MALRD1: variants seen among roughly 807,000 people sequenced by gnomAD.
MALRD1 encodes MAM and LDL receptor class A domain containing 1.
MALRD1 carries 247 observed loss-of-function variants against 242.1 expected under a neutral mutation model. That is an observed-to-expected ratio of 1.02 (90% confidence interval 0.92 to 1.13). The LOEUF (loss-of-function observed/expected upper bound fraction) is 1.13. MALRD1 is among the 50% of genes most tolerant of loss of function. The pLI is 0.00. For synonymous variants in MALRD1, 995 were observed against 866.6 expected, an observed-to-expected ratio of 1.15 and a Z score of -2.60; for missense variants, 2,989 against 2,533.1, an observed-to-expected ratio of 1.18 and a Z score of -3.86.
intron 5 of MALRD1, among the ~76,000 whole-genome samples, chr10:19,119,148 A>G (rs1443211694): frequency 6.6e-6 from 1 of 152,088 alleles, no homozygotes; most frequent in African/African-American, 2.4e-5. Context: ...AGAGAGAGAG[A>G]AAGAGATGAG....
rs535325492 is a variant in MALRD1 at position 19,064,928 on chromosome 10, C to G, written c.200-1791C>G. Among the ~76,000 whole-genome samples, 215 of 151,844 alleles carry G rather than the reference C, an allele frequency of 1.4e-3. 1 individual carries two copies. The highest frequency in any genetic ancestry group is 4.9e-3 in the African/African-American group (204 of 41,378). ...GGGGTGTTGGCAACTGCAGTTATAC[C>G]CATTGTTATTTACGTGCAAATTAAG... is the stretch of plus-strand genomic sequence containing the variant. On this transcript the variant is annotated intron_variant, in intron 1 of 39. Transcript: ENST00000454679.
At chr10:19,573,555 A>C (rs11818535) in intron 33 of MALRD1, among the ~76,000 whole-genome samples, 4,956 of 152,124 alleles carry the variant, frequency 0.033, 252 homozygotes, top group African/African-American at 0.11. Context: ...AACAATCATT[A>C]AACTTTTCCC....
chr10:19,666,032 C>A (rs1277688092), intron 36 of MALRD1, among the ~76,000 whole-genome samples: 1 of 152,024 alleles, frequency 6.6e-6, no homozygotes, highest in Non-Finnish European at 1.5e-5. Flanking sequence ...GATAGGTGTC[C>A]TCTTCATCCC....
chr10:19,306,232 CTATA>C (rs1842188050), intron 21 of MALRD1, among the ~76,000 whole-genome samples: 1 of 101,198 alleles, frequency 9.9e-6, no homozygotes, highest in Non-Finnish European at 2.1e-5. Context: ...ACTATATATA[CTATA>C]CTATATATAC....
intron 28 of MALRD1, among the ~76,000 whole-genome samples, chr10:19,420,725 T>C (rs2130914026): frequency 6.6e-6 from 1 of 152,294 alleles, no homozygotes; most frequent in African/African-American, 2.4e-5. Context: ...AGCAATATTG[T>C]AAAATTTAAA....
chr10:19,495,828 C>T (rs971883109), intron 30 of MALRD1, among the ~76,000 whole-genome samples: 4 of 152,086 alleles, frequency 2.6e-5, no homozygotes, highest in African/African-American at 9.7e-5. Context: ...CTTCAAGAGA[C>T]CCATCTCACA....
At chr10:19,324,142 T>A in intron 22 of MALRD1, 37 bp downstream of exon 22, 3 of 1,534,752 alleles carry the variant, frequency 2.0e-6, no homozygotes, top group Non-Finnish European at 2.6e-6. Context: ...GAATTTTCTC[T>A]CTAAAAGTTC....
intron 28 of MALRD1, among the ~76,000 whole-genome samples, chr10:19,441,602 T>G (rs879945373): frequency 9.9e-5 from 15 of 152,218 alleles, no homozygotes; most frequent in Non-Finnish European, 2.1e-4. Context: ...TAGGGAATCC[T>G]TCTAGTTTTT....
At chr10:19,090,427 T>G (rs1835839321) in intron 4 of MALRD1, among the ~76,000 whole-genome samples, 1 of 52,292 alleles carries the variant, frequency 1.9e-5, no homozygotes, top group Admixed American at 2.6e-4. Flanking sequence ...GTGATTTTTG[T>G]ACATTGATTT....
intron 28 of MALRD1, among the ~76,000 whole-genome samples, chr10:19,441,615 C>T (rs1487402360): frequency 6.6e-6 from 1 of 151,638 alleles, no homozygotes; most frequent in Non-Finnish European, 1.5e-5. Flanking sequence ...TAGTTTTTGT[C>T]AGGTTTGTCA....
chr10:19,476,325 T>G (rs567598892), intron 29 of MALRD1, among the ~76,000 whole-genome samples: 2 of 152,300 alleles, frequency 1.3e-5, no homozygotes, highest in South Asian at 4.2e-4. Context: ...TTGTCTATCC[T>G]TAGGTCAATA....
At chr10:19,377,968 T>C (rs555682101) in intron 26 of MALRD1, among the ~76,000 whole-genome samples, 141 of 152,162 alleles carry the variant, frequency 9.3e-4, no homozygotes, top group Non-Finnish European at 1.6e-3. Context: ...ATTTTCACCA[T>C]TTTTGTCAAT....
chr10:19,317,186 A>G lies in MALRD1; in HGVS notation c.3420-6763A>G, dbSNP rs79142708. Among the ~76,000 whole-genome samples the G allele has an allele frequency of 7.3e-3, 1,109 of 152,022 alleles. 13 individuals are homozygous for G. The highest frequency in any genetic ancestry group is 0.054 in the South Asian group (261 of 4,822). On this transcript the variant is annotated intron_variant, in intron 21 of 39. Transcript: ENST00000454679. Reference sequence around the variant, plus strand: ...TAAACAACAAACATATATTTCTCACAGTTCTGAAGGCTAATAAGGCTATGA... The same window carrying G: ...TAAACAACAAACATATATTTCTCACGGTTCTGAAGGCTAATAAGGCTATGA...
intron 35 of MALRD1, among the ~76,000 whole-genome samples, chr10:19,608,417 A>G (rs1838737850): frequency 6.6e-6 from 1 of 152,096 alleles, no homozygotes; most frequent in Non-Finnish European, 1.5e-5. Context: ...AGGAACTGAC[A>G]GTATATATCT....
At chr10:19,049,256 C>T (rs1456290889) in intron 1 of MALRD1, 119 bp downstream of exon 1, 25 of 666,498 alleles carry the variant, frequency 3.8e-5, no homozygotes, top group Non-Finnish European at 5.1e-5. Context: ...ATCTTGTATA[C>T]CTTTAGTGTA....
At chr10:19,133,228 T>C (rs980500920) in intron 8 of MALRD1, among the ~76,000 whole-genome samples, 7 of 152,342 alleles carry the variant, frequency 4.6e-5, no homozygotes, top group African/African-American at 1.7e-4. Context: ...GTAACAATTT[T>C]ACATAGATTT....
chr10:19,336,900 T>C (rs763384849), intron 24 of MALRD1, among the ~76,000 whole-genome samples: 50 of 152,244 alleles, frequency 3.3e-4, no homozygotes, highest in Non-Finnish European at 6.2e-4. Context: ...AACTATTTAA[T>C]TAATATATAT....
rs369411592 is a variant in MALRD1 at position 19,589,419 on chromosome 10, A to G, written c.5681-5775A>G. Among the ~76,000 whole-genome samples the G allele has an allele frequency of 6.6e-4, 100 of 152,282 alleles. No homozygotes were observed. In the South Asian group the frequency reaches 7.2e-3, roughly 11 times the overall value. On this transcript the variant is annotated intron_variant, in intron 33 of 39. Transcript: ENST00000454679. The stretch of plus-strand genomic sequence containing the variant: ...CTGGTACAGCCTTGAATCATCTCCA[A>G]TATACAAAGAATAAATCAGTTGCAA...
At chr10:19,482,506 A>T (rs1332928) in intron 29 of MALRD1, among the ~76,000 whole-genome samples, 1 of 151,800 alleles carries the variant, frequency 6.6e-6, no homozygotes, top group Non-Finnish European at 1.5e-5. Flanking sequence ...TTATGATAGG[A>T]TTCTATACTG....
Sources: allele counts gnomAD v4.1 joint callset (sites outside exome capture counted in the v4.1 genomes callset), GRCh38; gene constraint gnomAD v4.1.1; transcripts MANE v1.5; gene names NCBI Gene and HGNC (gene_info 2026-07-23, HGNC 2026-07-21).